SLC30A9: variants seen among roughly 807,000 people sequenced by gnomAD.
The protein encoded by SLC30A9 is proton-coupled zinc antiporter SLC30A9, mitochondrial.
In SLC30A9, 58 loss-of-function variants were observed where a neutral mutation model predicts 87.5. The observed-to-expected ratio is 0.66, with a 90% CI of 0.54 to 0.82. The LOEUF (loss-of-function observed/expected upper bound fraction) is 0.82, where lower values mean the gene tolerates loss of function less well. SLC30A9 is among the 40% of genes least tolerant of loss of function. The probability of loss-of-function intolerance (pLI) is 0.00; values close to 1 mark genes in which losing one functional copy is unlikely to be tolerated. For missense variants in SLC30A9, 557 were observed against 679.1 expected (o/e 0.82, Z 2.00); for synonymous variants, 234 against 233.0 (o/e 1.00, Z -0.04).
At chr4:42,040,544 AG>A (rs528231959) in intron 8 of SLC30A9, among the ~76,000 whole-genome samples, 19 of 152,206 alleles carry the variant, frequency 1.2e-4, no homozygotes, top group African/African-American at 4.6e-4. Flanking sequence ...GTTAACATTA[AG>A]AAAAAGGTGG....
rs920295431 is a variant in SLC30A9, at chr4:42,088,958, T to C, written c.*2832T>C. The C allele has an allele frequency of 1.3e-5, 2 of 152,214 alleles. No individual in the cohort carries two copies. The highest frequency in any genetic ancestry group is 1.3e-4 in the Admixed American group (2 of 15,282). 9.4% of individuals were successfully genotyped at this position (152,214 alleles called of 1,614,324 possible). On this transcript the variant is annotated 3_prime_UTR_variant, in exon 18 of 18. Transcript: ENST00000264451. ...GTCTCAAAAAGAGAATTTGGGTCTC[T>C]TTCTCCAAAAATAAGGCTATATTTA...
intron 2 of SLC30A9, among the ~76,000 whole-genome samples, chr4:42,014,184 T>C (rs777043988): frequency 3.0e-4 from 45 of 152,126 alleles, no homozygotes; most frequent in Admixed American, 2.0e-3. Flanking sequence ...TAATAAGATA[T>C]CATCTCACTC....
intron 10 of SLC30A9, among the ~76,000 whole-genome samples, chr4:42,060,570 T>G (rs1717803701): frequency 6.6e-6 from 1 of 152,186 alleles, no homozygotes; most frequent in Non-Finnish European, 1.5e-5. Context: ...ATTCTAGATT[T>G]AGACTCATAG....
chr4:42,086,299 A>G lies in SLC30A9; in HGVS notation c.*173A>G. 1 of 410,702 alleles carries G rather than the reference A, an allele frequency of 2.4e-6. No individual in the cohort carries two copies. 25.4% of individuals were successfully genotyped at this position (410,702 alleles called of 1,614,324 possible). On this transcript the variant is annotated 3_prime_UTR_variant, in exon 18 of 18. Transcript: ENST00000264451. ...CAACTCAGCAGGACACAGAACTAAA[A>G]CTACTACTTACATCTAACAGACACA...
intron 14 of SLC30A9, 69 bp from the exon 15 acceptor site, chr4:42,070,457 G>GCT: frequency 8.3e-7 from 1 of 1,211,854 alleles, no homozygotes; most frequent in Non-Finnish European, 1.2e-6. Context: ...CTGGTTCTTT[G>GCT]CTCTCTATAA....
At chr4:42,056,122 T>C (rs1717600278) in intron 9 of SLC30A9, among the ~76,000 whole-genome samples, 1 of 152,178 alleles carries the variant, frequency 6.6e-6, no homozygotes, top group African/African-American at 2.4e-5. Flanking sequence ...TTTTATAAAA[T>C]AGTTGACGGT....
chr4:42,041,734 TA>T (rs1422528761), intron 8 of SLC30A9, among the ~76,000 whole-genome samples: 1 of 152,082 alleles, frequency 6.6e-6, no homozygotes, highest in African/African-American at 2.4e-5. Flanking sequence ...ACCCTGTCTT[TA>T]AAAAATAAAT....
At position 41,990,552 on chromosome 4, in the gene SLC30A9, C is replaced by G. The variant is rs1359332404; in HGVS notation, c.-100C>G. ...CCCAGGCAGCTTGTGGCGGCGAAGC[C>G]ATCGGTGTTCGCTGATGTCCAGTCT... On this transcript the variant is annotated 5_prime_UTR_variant, in exon 1 of 18. Coordinates refer to ENST00000264451, the MANE Select transcript of SLC30A9 (RefSeq NM_006345.4). 6.1e-6 allele frequency: 4 copies of G among 658,282 alleles called. No homozygotes were observed. The highest frequency in any genetic ancestry group is 5.0e-6 in the Non-Finnish European group (2 of 398,452). The allele number at this position is 658,282 out of a possible 1,614,324, so 40.8% of individuals were successfully genotyped here.
At chr4:42,043,437 T>C (rs1478412148) in intron 8 of SLC30A9, among the ~76,000 whole-genome samples, 3 of 152,056 alleles carry the variant, frequency 2.0e-5, no homozygotes, top group African/African-American at 7.2e-5. Flanking sequence ...CAAGTATCAA[T>C]AGCCAAATCA....
At chr4:42,028,034 G>C (rs1363069028) in intron 6 of SLC30A9, among the ~76,000 whole-genome samples, 1 of 152,226 alleles carries the variant, frequency 6.6e-6, no homozygotes, top group Admixed American at 6.5e-5. Context: ...AATACTATTT[G>C]AGGAGTGAGT....
intron 2 of SLC30A9, among the ~76,000 whole-genome samples, chr4:42,017,204 G>C (rs1486652999): frequency 6.6e-6 from 1 of 151,992 alleles, no homozygotes; most frequent in Admixed American, 6.6e-5. Context: ...TTTTTCAAAT[G>C]TTTATTGGTT....
chr4:42,053,558 G>T (rs1406248900), intron 9 of SLC30A9, among the ~76,000 whole-genome samples: 1 of 151,682 alleles, frequency 6.6e-6, no homozygotes, highest in Non-Finnish European at 1.5e-5. Flanking sequence ...GCATGGTGAT[G>T]GGCCCATGTA....
chr4:42,083,608 TTTA>T (rs1216219678), intron 17 of SLC30A9, among the ~76,000 whole-genome samples: 1 of 152,326 alleles, frequency 6.6e-6, no homozygotes, highest in South Asian at 2.1e-4. Context: ...TAGGCTTTTT[TTTA>T]AGATAAAGCT....
chr4:42,063,008 T>C lies in SLC30A9; in HGVS notation c.919T>C (p.Tyr307His). Residue 307 changes from tyrosine (Y) to histidine (H), a missense_variant, in exon 11 of 18, where the codon TAT becomes CAT. Coordinates refer to ENST00000264451, the MANE Select transcript of SLC30A9 (RefSeq NM_006345.4). ...SHPYGFSNMR[Y>H]ISSLISGVGI... is the part of the protein sequence containing the mutation. Reference sequence around the variant, plus strand: ...CAGGTACGGATTTTCAAATATGCGCTATATTTCTTCGCTAATTAGTGGTGT... The same window carrying C: ...CAGGTACGGATTTTCAAATATGCGCCATATTTCTTCGCTAATTAGTGGTGT... 6.2e-7 allele frequency: 1 copy of C among 1,613,206 alleles called. No individual in the cohort carries two copies. The highest frequency in any genetic ancestry group is 1.3e-5 in the African/African-American group (1 of 75,044).
chr4:42,054,316 C>T (rs1717512281), intron 9 of SLC30A9, among the ~76,000 whole-genome samples: 1 of 152,038 alleles, frequency 6.6e-6, no homozygotes, highest in African/African-American at 2.4e-5. Flanking sequence ...CAAGATGGCA[C>T]CACTGTACTC....
At chr4:42,062,455 A>G (rs996776481) in intron 10 of SLC30A9, among the ~76,000 whole-genome samples, 2 of 152,182 alleles carry the variant, frequency 1.3e-5, no homozygotes, top group African/African-American at 4.8e-5. Context: ...ACACCCAGAA[A>G]ACTGAAGGTC....
At chr4:42,021,436 A>G (rs1470895509) in intron 4 of SLC30A9, among the ~76,000 whole-genome samples, 3 of 152,228 alleles carry the variant, frequency 2.0e-5, no homozygotes, top group African/African-American at 7.2e-5. Flanking sequence ...ACTTGATAAC[A>G]TTACATAGTC....
intron 7 of SLC30A9, among the ~76,000 whole-genome samples, chr4:42,036,829 T>C (rs10006383): frequency 0.65 from 99,428 of 152,092 alleles, 36,949 homozygotes; most frequent in East Asian, 0.96. Context: ...ATATGTCTTA[T>C]GAGCCAGCAT....
intron 2 of SLC30A9, among the ~76,000 whole-genome samples, chr4:42,006,330 T>C (rs9884419): frequency 0.65 from 98,539 of 152,024 alleles, 36,061 homozygotes; most frequent in East Asian, 0.96. Flanking sequence ...GGCACTTAAC[T>C]GAGTCTTGAG....
Sources: allele counts gnomAD v4.1 joint callset (sites outside exome capture counted in the v4.1 genomes callset), GRCh38; gene constraint gnomAD v4.1.1; transcripts MANE v1.5; gene names NCBI Gene and HGNC (gene_info 2026-07-23, HGNC 2026-07-21).